BTBD9: variants seen among roughly 807,000 people sequenced by gnomAD.
BTBD9 encodes BTB domain containing 9.
Under a neutral mutation model 64.3 loss-of-function variants are expected in BTBD9, and 49 were observed. That is an observed-to-expected ratio of 0.76 (90% confidence interval 0.61 to 0.97). The LOEUF (loss-of-function observed/expected upper bound fraction) is 0.97. Ranked by LOEUF, BTBD9 falls within the 50% of genes least tolerant of loss-of-function variation. The probability of loss-of-function intolerance (pLI) is 0.00; values close to 1 mark genes in which losing one functional copy is unlikely to be tolerated. For synonymous variants in BTBD9, 260 were observed against 274.7 expected, an observed-to-expected ratio of 0.95 and a Z score of 0.53; for missense variants, 598 against 762.1, an observed-to-expected ratio of 0.78 and a Z score of 2.53.
intron 6 of BTBD9, among the ~76,000 whole-genome samples, chr6:38,527,873 G>A (rs1020758659): frequency 1.3e-5 from 2 of 151,378 alleles, no homozygotes; most frequent in Non-Finnish European, 2.9e-5. Flanking sequence ...TAAGACAGCC[G>A]AACAGAATCC....
intron 7 of BTBD9, among the ~76,000 whole-genome samples, chr6:38,301,124 G>C (rs1265230297): frequency 6.6e-6 from 1 of 152,164 alleles, no homozygotes; most frequent in Non-Finnish European, 1.5e-5. Flanking sequence ...TAATCATGTA[G>C]TTTTCGTCTT....
At chr6:38,618,453 C>T (rs1309628488) in intron 1 of BTBD9, among the ~76,000 whole-genome samples, 1 of 152,178 alleles carries the variant, frequency 6.6e-6, no homozygotes, top group Non-Finnish European at 1.5e-5. Context: ...ACAGGAGGAC[C>T]TCTCAGCTTA....
At chr6:38,344,423 C>G (rs1224174326) in intron 7 of BTBD9, among the ~76,000 whole-genome samples, 1 of 152,122 alleles carries the variant, frequency 6.6e-6, no homozygotes, top group African/African-American at 2.4e-5. Context: ...TTGACTTTTG[C>G]AATGACAATT....
intron 10 of BTBD9, 60 bp downstream of exon 10, chr6:38,192,459 G>A: frequency 6.8e-7 from 1 of 1,462,622 alleles, no homozygotes; most frequent in African/African-American, 1.4e-5. Context: ...AACTCAGGAT[G>A]TAGCATTTAC....
intron 6 of BTBD9, among the ~76,000 whole-genome samples, chr6:38,440,096 T>C (rs1768956754): frequency 6.6e-6 from 1 of 152,188 alleles, no homozygotes; most frequent in African/African-American, 2.4e-5. Flanking sequence ...TTTATGAAGC[T>C]TGGGTTCAAG....
At chr6:38,575,392 G>A (rs1160645886) in intron 6 of BTBD9, among the ~76,000 whole-genome samples, 2 of 152,140 alleles carry the variant, frequency 1.3e-5, no homozygotes, top group African/African-American at 4.8e-5. Context: ...TCAGAGGCAA[G>A]ATAAACACGC....
At position 38,171,846 on chromosome 6, in the gene BTBD9, C is replaced by CAAAAAAAAAAAAAAAAA. The variant is rs869155666; in HGVS notation, c.*3122_*3138dup. On this transcript the variant is annotated 3_prime_UTR_variant, in exon 11 of 11. Transcript: ENST00000481247. The stretch of plus-strand genomic sequence containing the variant: ...TCCAATGAAGTTGCCTTTCTACTCT[C>CAAAAAAAAAAAAAAAAA]AAAAAAAAAAAAAAAAAAAAAAAAA... The CAAAAAAAAAAAAAAAAA allele has an allele frequency of 1.0e-4, 8 of 79,204 alleles. No homozygotes were observed. The highest frequency in any genetic ancestry group is 1.6e-4 in the African/African-American group (3 of 18,328). The allele number at this position is 79,204 out of a possible 1,614,324, so 4.9% of individuals were successfully genotyped here. A position where few individuals can be genotyped will look rare whatever the true frequency, so the allele number is the denominator to read the frequency against.
chr6:38,224,933 G>A (rs1763343424), intron 9 of BTBD9, among the ~76,000 whole-genome samples: 2 of 152,236 alleles, frequency 1.3e-5, no homozygotes, highest in African/African-American at 4.8e-5. Flanking sequence ...AATCTAACTG[G>A]GTATATTCAT....
intron 5 of BTBD9, among the ~76,000 whole-genome samples, chr6:38,578,200 T>C (rs1776139448): frequency 6.6e-6 from 1 of 152,174 alleles, no homozygotes; most frequent in Admixed American, 6.5e-5. Context: ...CAACTTGGAA[T>C]GGCTCCCTCA....
chr6:38,458,084 A>G (rs1769903159), intron 6 of BTBD9, among the ~76,000 whole-genome samples: 1 of 152,194 alleles, frequency 6.6e-6, no homozygotes, highest in African/African-American at 2.4e-5. Context: ...ATGATGGGCA[A>G]CTAGTCTCTC....
intron 6 of BTBD9, among the ~76,000 whole-genome samples, chr6:38,516,051 G>A (rs1164291535): frequency 6.6e-6 from 1 of 152,006 alleles, no homozygotes; most frequent in Non-Finnish European, 1.5e-5. Context: ...AAGAAAATTC[G>A]GCACAATTCT....
chr6:38,175,320 G>C lies in BTBD9; in HGVS notation c.1642-138C>G, dbSNP rs116296691. On this transcript the variant is annotated intron_variant, in intron 10 of 10. Coordinates refer to ENST00000481247, the MANE Select transcript of BTBD9 (RefSeq NM_001099272.2). ...AGAGGAGGTCCTTCCCACTGCCCAC[G>C]CCTGCCCCGGCGCAGACACCTGATG... The C allele has an allele frequency of 1.3e-3, 1,007 of 791,502 alleles. 9 individuals carry two copies. In the African/African-American group the frequency reaches 0.015, roughly 12 times the overall value. The allele number at this position is 791,502 out of a possible 1,614,324, so 49.0% of individuals were successfully genotyped here.
intron 6 of BTBD9, among the ~76,000 whole-genome samples, chr6:38,393,246 A>C (rs1427137098): frequency 6.6e-6 from 1 of 152,206 alleles, no homozygotes; most frequent in Non-Finnish European, 1.5e-5. Flanking sequence ...ATGTAGCCAT[A>C]TTTAAGGCTA....
At chr6:38,469,511 G>C (rs563891699) in intron 6 of BTBD9, among the ~76,000 whole-genome samples, 2 of 151,806 alleles carry the variant, frequency 1.3e-5, no homozygotes, top group Admixed American at 1.3e-4. Context: ...TAGTAAAGAC[G>C]GGATTTTACC....
At chr6:38,624,683 G>GA (rs11379719) in intron 1 of BTBD9, among the ~76,000 whole-genome samples, 9,477 of 144,052 alleles carry the variant, frequency 0.066, 704 homozygotes, top group East Asian at 0.23. Flanking sequence ...CCCCCATCCA[G>GA]AAAAAAAAAA....
At chr6:38,529,037 G>T (rs1773654458) in intron 6 of BTBD9, among the ~76,000 whole-genome samples, 1 of 152,156 alleles carries the variant, frequency 6.6e-6, no homozygotes, top group East Asian at 1.9e-4. Context: ...GACCTGTCCT[G>T]GTCCTGAAGG....
At chr6:38,294,330 A>G (rs1217684834) in intron 7 of BTBD9, among the ~76,000 whole-genome samples, 1 of 152,250 alleles carries the variant, frequency 6.6e-6, no homozygotes, top group Non-Finnish European at 1.5e-5. Flanking sequence ...ATATACCCAA[A>G]GGATTATAAA....
Position 38,599,550 on chromosome 6 carries a change from A to G in BTBD9, c.-27-1429T>C, listed in dbSNP as rs549936407. ...CCGGTGAAGAGGTAGTTGATAGCTC[A>G]GAGGTAGCCAGCTACGCCTCTGCTG... On this transcript the variant is annotated intron_variant, in intron 1 of 10. Transcript: ENST00000481247. 3.6e-3 allele frequency among the ~76,000 whole-genome samples: 542 copies of G among 152,346 alleles called. 3 individuals carry two copies. The highest frequency in any genetic ancestry group is 6.8e-3 in the Middle Eastern group (2 of 294).
intron 7 of BTBD9, among the ~76,000 whole-genome samples, chr6:38,314,230 C>T (rs1180360227): frequency 5.3e-5 from 8 of 151,918 alleles, no homozygotes; most frequent in Non-Finnish European, 1.2e-4. Flanking sequence ...GAGTCTCGCT[C>T]TGTCGCCCAG....
Sources: allele counts gnomAD v4.1 joint callset (sites outside exome capture counted in the v4.1 genomes callset), GRCh38; gene constraint gnomAD v4.1.1; transcripts MANE v1.5; gene names NCBI Gene and HGNC (gene_info 2026-07-23, HGNC 2026-07-21).